Variants in KCNH1 observed in about 807,000 individuals in gnomAD.
KCNH1 encodes voltage-gated delayed rectifier potassium channel KCNH1.
In KCNH1, 27 loss-of-function variants were observed where a neutral mutation model predicts 69.2. That is an observed-to-expected ratio of 0.39 (90% confidence interval 0.29 to 0.54). KCNH1 has a LOEUF of 0.54. Among genes scored for constraint, KCNH1 ranks in the 20% least tolerant of loss-of-function variants. KCNH1 has a pLI of 0.68. For synonymous variants in KCNH1, 456 were observed against 487.7 expected (o/e 0.93, Z 0.86); for missense variants, 798 against 1,261.6 (o/e 0.63, Z 5.57).
At position 210,892,064 on chromosome 1, in the gene KCNH1, C is replaced by T. The variant is rs148284304; in HGVS notation, c.1462+27576G>A. 1.9e-3 allele frequency among the ~76,000 whole-genome samples: 293 copies of T among 152,062 alleles called. 1 individual carries two copies. Among genetic ancestry groups the T allele is most frequent in the African/African-American group, 6.4e-3 (266 of 41,474 alleles). ...ACATCACACACTGGGGCCTGTCAGG[C>T]GGTCAGGGGGCTAAGGGAGGGATAG... On this transcript the variant is annotated intron_variant, in intron 7 of 10. Coordinates refer to ENST00000271751, the MANE Select transcript of KCNH1 (RefSeq NM_172362.3).
chr1:211,107,439 A>G (rs1432113559), intron 1 of KCNH1, 62 bp from the exon 2 acceptor site: 4 of 1,506,884 alleles, frequency 2.7e-6, no homozygotes, highest in African/African-American at 1.4e-5. Flanking sequence ...TTGAGATTCA[A>G]TGAGGACATA....
intron 8 of KCNH1, among the ~76,000 whole-genome samples, chr1:210,802,229 G>A (rs1684443956): frequency 6.6e-6 from 1 of 152,224 alleles, no homozygotes; most frequent in South Asian, 2.1e-4. Flanking sequence ...CAAAACCAAA[G>A]TAATGTTCAA....
intron 1 of KCNH1, among the ~76,000 whole-genome samples, chr1:211,128,065 C>T (rs58157318): frequency 0.25 from 37,575 of 151,874 alleles, 5,459 homozygotes; most frequent in Non-Finnish European, 0.33. Context: ...CCAAGGCGGG[C>T]GGATCACAAG....
At chr1:211,019,369 G>A in intron 5 of KCNH1, 113 bp from the exon 6 acceptor site, 3 of 647,778 alleles carry the variant, frequency 4.6e-6, no homozygotes, top group South Asian at 3.9e-5. Context: ...TAAATCGTCA[G>A]GTACAATAAC....
chr1:210,853,257 G>A (rs1249000605), intron 7 of KCNH1, among the ~76,000 whole-genome samples: 1 of 152,052 alleles, frequency 6.6e-6, no homozygotes, highest in Non-Finnish European at 1.5e-5. Flanking sequence ...GGGCCTCTGT[G>A]GCTTAAAAGA....
At chr1:211,001,148 A>C (rs538967975) in intron 6 of KCNH1, among the ~76,000 whole-genome samples, 185 of 152,280 alleles carry the variant, frequency 1.2e-3, no homozygotes, top group African/African-American at 2.4e-3. Flanking sequence ...GCAACAAAAG[A>C]CAAAATTGAC....
chr1:210,705,630 A>G (rs961072433), intron 10 of KCNH1, among the ~76,000 whole-genome samples: 4 of 152,336 alleles, frequency 2.6e-5, no homozygotes, highest in African/African-American at 9.6e-5. Context: ...TGCTTTGAAG[A>G]TATGATAAAA....
At chr1:211,114,930 T>C (rs1483795959) in intron 1 of KCNH1, among the ~76,000 whole-genome samples, 2 of 152,118 alleles carry the variant, frequency 1.3e-5, no homozygotes, top group Admixed American at 6.6e-5. Flanking sequence ...AATTCTTTTT[T>C]TGGGGGGTGT....
At position 210,919,689 on chromosome 1, in the gene KCNH1, T is replaced by A. The variant is rs761642210; in HGVS notation, c.1413A>T (p.Pro471=). The part of the protein sequence containing the change: ...LTSVGFGNIA[P]STDIEKIFAV... ...CAAAGATCTTCTCAATGTCTGTGGA[T>A]GGGGCGATGTTCCCAAAGCCCACAC... The change falls in exon 7 of 11, where the codon CCA becomes CCT. Residue 471 remains proline (P), a synonymous_variant. Coordinates refer to ENST00000271751, the MANE Select transcript of KCNH1 (RefSeq NM_172362.3). The surrounding 1 kb of genome is among the most constrained non-coding windows in gnomAD (Gnocchi z 4.2). 2 of 1,614,152 alleles carry A rather than the reference T, an allele frequency of 1.2e-6. No homozygotes were observed. The highest frequency in any genetic ancestry group is 4.5e-5 in the East Asian group (2 of 44,878).
At position 211,015,738 on chromosome 1, in the gene KCNH1, A is replaced by G. The variant is rs17017115; in HGVS notation, c.1032+3045T>C. 5.1e-3 allele frequency among the ~76,000 whole-genome samples: 777 copies of G among 152,354 alleles called. 10 individuals are homozygous for G. Among genetic ancestry groups the G allele is most frequent in the African/African-American group, 0.018 (738 of 41,588 alleles). On this transcript the variant is annotated intron_variant, in intron 6 of 10. Coordinates refer to ENST00000271751, the MANE Select transcript of KCNH1 (RefSeq NM_172362.3). ...TCCCCAAGATGTAGATAGGAAAACC[A>G]TGATCCAGAAAGGCTAAATGATATG...
chr1:211,129,234 A>G (rs1025873564), intron 1 of KCNH1, among the ~76,000 whole-genome samples: 4 of 152,214 alleles, frequency 2.6e-5, no homozygotes, highest in African/African-American at 9.6e-5. Flanking sequence ...AGATTTTAAA[A>G]TGTTTGTTTA....
intron 6 of KCNH1, among the ~76,000 whole-genome samples, chr1:210,959,681 G>A (rs150351916): frequency 0.087 from 13,276 of 152,220 alleles, 1,639 homozygotes; most frequent in African/African-American, 0.28. Flanking sequence ...CTAGCAGTGA[G>A]CAAGGCTCCA....
At chr1:211,127,362 C>A (rs1691793898) in intron 1 of KCNH1, among the ~76,000 whole-genome samples, 1 of 150,416 alleles carries the variant, frequency 6.6e-6, no homozygotes, top group Non-Finnish European at 1.5e-5. Context: ...CTTGCATAAT[C>A]TCTGTCCCCA....
At chr1:210,829,048 G>C (rs1214735134) in intron 7 of KCNH1, among the ~76,000 whole-genome samples, 1 of 152,176 alleles carries the variant, frequency 6.6e-6, no homozygotes, top group African/African-American at 2.4e-5. Context: ...ATGTTGTGTA[G>C]AGTATTCAAT....
chr1:210,896,874 G>A (rs926825323), intron 7 of KCNH1, among the ~76,000 whole-genome samples: 2 of 152,176 alleles, frequency 1.3e-5, no homozygotes, highest in Admixed American at 6.5e-5. Flanking sequence ...TGGCTGTACA[G>A]TTACAAAATG....
intron 10 of KCNH1, among the ~76,000 whole-genome samples, chr1:210,748,493 A>G (rs905248695): frequency 2.6e-5 from 4 of 152,248 alleles, no homozygotes; most frequent in African/African-American, 9.6e-5. Flanking sequence ...GTTGCATGTC[A>G]GAGTGAAACT....
At chr1:211,054,360 T>C (rs1690265506) in intron 5 of KCNH1, among the ~76,000 whole-genome samples, 1 of 152,114 alleles carries the variant, frequency 6.6e-6, no homozygotes, top group Non-Finnish European at 1.5e-5. Flanking sequence ...AAGCTATGAT[T>C]TCAGAGAGAC....
chr1:210,741,058 A>G (rs1683015409), intron 10 of KCNH1, among the ~76,000 whole-genome samples: 1 of 152,114 alleles, frequency 6.6e-6, no homozygotes, highest in African/African-American at 2.4e-5. Flanking sequence ...AATATCTTCC[A>G]CCTAGGGAGA....
intron 5 of KCNH1, among the ~76,000 whole-genome samples, chr1:211,044,060 C>T (rs891146787): frequency 4.6e-5 from 7 of 152,164 alleles, no homozygotes; most frequent in African/African-American, 1.7e-4. Flanking sequence ...CTTACCACTT[C>T]TCTTGAACAT....
Sources: allele counts gnomAD v4.1 joint callset (sites outside exome capture counted in the v4.1 genomes callset), GRCh38; gene constraint gnomAD v4.1.1; non-coding constraint Gnocchi (gnomAD v3.1); transcripts MANE v1.5; gene names NCBI Gene and HGNC (gene_info 2026-07-23, HGNC 2026-07-21).